COL4A1: variants seen among roughly 807,000 people sequenced by gnomAD.
COL4A1 encodes the protein collagen type IV alpha 1 chain, also known as collagen alpha-1(IV) chain.
A neutral mutation model predicts 216.6 loss-of-function variants in COL4A1; 40 were observed. The ratio of observed to expected loss-of-function variants is 0.18; its 90% CI spans 0.14 to 0.24. COL4A1 has a LOEUF of 0.24. Ranked by LOEUF, COL4A1 falls within the 10% of genes least tolerant of loss-of-function variation. The pLI, the probability that COL4A1 is intolerant of heterozygous loss-of-function variation, is 1.00. For missense variants in COL4A1, 1,628 were observed against 2,196.8 expected (o/e 0.74, Z 5.18); for synonymous variants, 839 against 810.7 (o/e 1.03, Z -0.59).
intron 33 of COL4A1, 143 bp downstream of exon 33, chr13:110,177,699 G>T (rs1252113917): frequency 1.3e-5 from 11 of 820,106 alleles, no homozygotes; most frequent in Middle Eastern, 3.4e-4. Flanking sequence ...GAAGAAGGGG[G>T]TCTCCCAGCC....
intron 20 of COL4A1, 56 bp downstream of exon 20, chr13:110,200,798 T>C (rs972384142): frequency 3.3e-6 from 5 of 1,529,062 alleles, no homozygotes; most frequent in Non-Finnish European, 4.5e-6. Context: ...ATTCAGAATA[T>C]AAACAGCACA....
intron 2 of COL4A1, among the ~76,000 whole-genome samples, chr13:110,219,920 ATATATGTATGTATATGTGTGTG>A: frequency 1.8e-5 from 2 of 113,334 alleles, no homozygotes; most frequent in Non-Finnish European, 3.5e-5. Flanking sequence ...ATGTGTGTAT[ATATATGTATGTATATGTGTGTG>A]TATATATACA....
chr13:110,240,057 T>C (rs747117956), intron 2 of COL4A1, among the ~76,000 whole-genome samples: 3 of 152,222 alleles, frequency 2.0e-5, no homozygotes, highest in Non-Finnish European at 2.9e-5. Flanking sequence ...GTTAAAATGA[T>C]ATAATACTAA....
chr13:110,200,266 A>G (rs1434552861), intron 20 of COL4A1, among the ~76,000 whole-genome samples: 2 of 152,252 alleles, frequency 1.3e-5, no homozygotes, highest in African/African-American at 4.8e-5. Flanking sequence ...GCATATGGAC[A>G]GAGACAACAG....
chr13:110,252,807 G>C (rs1305238952), intron 1 of COL4A1, among the ~76,000 whole-genome samples: 1 of 121,248 alleles, frequency 8.2e-6, no homozygotes, highest in Non-Finnish European at 1.7e-5. Context: ...TACATATACA[G>C]ATAACTATAA....
intron 1 of COL4A1, among the ~76,000 whole-genome samples, chr13:110,305,201 A>T (rs1041627276): frequency 4.4e-4 from 67 of 152,254 alleles, no homozygotes; most frequent in Non-Finnish European, 1.8e-4. Flanking sequence ...AAGTGCCCAC[A>T]GGCTGCATCT....
intron 44 of COL4A1, 113 bp downstream of exon 44, chr13:110,167,045 C>G (rs941090369): frequency 9.3e-6 from 8 of 863,996 alleles, no homozygotes; most frequent in Non-Finnish European, 1.6e-5. Context: ...AGAACAGTAT[C>G]TCGTGCTATA....
intron 2 of COL4A1, among the ~76,000 whole-genome samples, chr13:110,221,430 T>C (rs1023967481): frequency 2.0e-5 from 3 of 152,202 alleles, no homozygotes; most frequent in African/African-American, 7.2e-5. Flanking sequence ...GGTCTTCTTA[T>C]AAACAATTTA....
chr13:110,150,358 C>T lies in COL4A1; in HGVS notation c.*5G>A. The T allele has an allele frequency of 6.2e-7, 1 of 1,613,478 alleles. No individual in the cohort carries two copies. Among genetic ancestry groups the T allele is most frequent in the Non-Finnish European group, 8.5e-7 (1 of 1,179,686 alleles). ...ATGTTGTGACATTAGCTGAGTCAGG[C>T]TTCATTATGTTCTTCTCATACAGAC... On this transcript the variant is annotated 3_prime_UTR_variant, in exon 52 of 52. Transcript: ENST00000375820.
chr13:110,247,943 T>C (rs2139253062), intron 1 of COL4A1, among the ~76,000 whole-genome samples: 1 of 150,204 alleles, frequency 6.7e-6, no homozygotes, highest in Non-Finnish European at 1.5e-5. Context: ...TTAAACAGGA[T>C]GAGGTCCTCA....
intron 2 of COL4A1, among the ~76,000 whole-genome samples, chr13:110,216,412 A>G (rs1438530386): frequency 6.6e-6 from 1 of 152,238 alleles, no homozygotes; most frequent in Non-Finnish European, 1.5e-5. Context: ...AACTCCAAAC[A>G]GCGGCTAAAA....
chr13:110,221,213 G>A (rs1454196150), intron 2 of COL4A1, among the ~76,000 whole-genome samples: 1 of 152,118 alleles, frequency 6.6e-6, no homozygotes, highest in Non-Finnish European at 1.5e-5. Flanking sequence ...AAGCTAGAAG[G>A]CGATGGTTAC....
intron 1 of COL4A1, among the ~76,000 whole-genome samples, chr13:110,253,737 A>G: frequency 6.9e-6 from 1 of 145,390 alleles, no homozygotes; most frequent in Non-Finnish European, 1.5e-5. Flanking sequence ...ATACGTATGT[A>G]TGTATTACAT....
At chr13:110,306,506 G>A (rs1263125122) in intron 1 of COL4A1, among the ~76,000 whole-genome samples, 2 of 152,172 alleles carry the variant, frequency 1.3e-5, no homozygotes, top group African/African-American at 4.8e-5. Context: ...GCTCCCAGGG[G>A]CTAGGAGCTC....
At chr13:110,186,688 C>A in intron 25 of COL4A1, 135 bp from the exon 26 acceptor site, 1 of 1,145,040 alleles carries the variant, frequency 8.7e-7, no homozygotes, top group Non-Finnish European at 1.2e-6. Context: ...TTCATCTACC[C>A]TCCCAGGAGG....
chr13:110,195,978 T>C (rs1214130408), intron 21 of COL4A1, among the ~76,000 whole-genome samples: 1 of 152,142 alleles, frequency 6.6e-6, no homozygotes, highest in Non-Finnish European at 1.5e-5. Context: ...GGCCCCAGGG[T>C]GTGGAGTGGG....
chr13:110,288,548 G>T (rs1157379924), intron 1 of COL4A1, among the ~76,000 whole-genome samples: 1 of 152,176 alleles, frequency 6.6e-6, no homozygotes, highest in Non-Finnish European at 1.5e-5. Flanking sequence ...TTTAGTATAT[G>T]TATTTTCTTT....
intron 41 of COL4A1, among the ~76,000 whole-genome samples, chr13:110,171,736 G>A (rs1195503008): frequency 1.3e-5 from 2 of 152,224 alleles, no homozygotes; most frequent in Non-Finnish European, 2.9e-5. Context: ...TTTGTGCAAG[G>A]GCAGTGCAGC....
intron 47 of COL4A1, 130 bp from the exon 48 acceptor site, chr13:110,162,572 C>CA: frequency 2.6e-6 from 2 of 755,048 alleles, no homozygotes; most frequent in East Asian, 2.7e-5. Flanking sequence ...TTCATGTTAC[C>CA]AAAAAAGTCT....
Sources: allele counts gnomAD v4.1 joint callset (sites outside exome capture counted in the v4.1 genomes callset), GRCh38; gene constraint gnomAD v4.1.1; transcripts MANE v1.5; gene names NCBI Gene and HGNC (gene_info 2026-07-23, HGNC 2026-07-21).